Variants in MAGI2 observed in about 807,000 individuals in gnomAD.
MAGI2 encodes the protein membrane associated guanylate kinase, WW and PDZ domain containing 2, also known as membrane-associated guanylate kinase, WW and PDZ domain-containing protein 2.
Under a neutral mutation model 133.3 loss-of-function variants are expected in MAGI2, and 35 were observed. The observed-to-expected ratio is 0.26, with a 90% CI of 0.20 to 0.35. MAGI2 has a LOEUF of 0.35. Ranked by LOEUF, MAGI2 falls within the 10% of genes least tolerant of loss-of-function variation. MAGI2 has a pLI of 1.00. For missense variants in MAGI2, 1,636 were observed against 1,863.4 expected (o/e 0.88, Z 2.25); for synonymous variants, 729 against 710.6 (o/e 1.03, Z -0.41).
At chr7:78,895,537 C>G (rs1797143600) in intron 2 of MAGI2, among the ~76,000 whole-genome samples, 1 of 151,160 alleles carries the variant, frequency 6.6e-6, no homozygotes, top group Non-Finnish European at 1.5e-5. Context: ...AAAAAAGTGG[C>G]TTTACTCAGT....
chr7:78,362,171 G>T (rs946150094), intron 7 of MAGI2, among the ~76,000 whole-genome samples: 1 of 151,972 alleles, frequency 6.6e-6, no homozygotes, highest in African/African-American at 2.4e-5. Flanking sequence ...GTGTGGTAGC[G>T]CACACCTGTA....
chr7:79,020,562 T>G lies in MAGI2; in HGVS notation c.302-13356A>C, dbSNP rs560609083. On this transcript the variant is annotated intron_variant, in intron 1 of 21. Coordinates refer to ENST00000354212, the MANE Select transcript of MAGI2 (RefSeq NM_012301.4). ...CGGGCTGATCATGAGGTCAGGAGAT[T>G]GAGACCATCCTGGCTAACATGGTGA... 1.3e-3 allele frequency among the ~76,000 whole-genome samples: 197 copies of G among 151,906 alleles called. 1 individual carries two copies. Among genetic ancestry groups the G allele is most frequent in the African/African-American group, 4.5e-3 (188 of 41,438 alleles).
chr7:78,294,002 C>T (rs1252753385), intron 9 of MAGI2, among the ~76,000 whole-genome samples: 1 of 152,048 alleles, frequency 6.6e-6, no homozygotes, highest in Non-Finnish European at 1.5e-5. Context: ...AGGTCCAGCA[C>T]ACCAACATGG....
chr7:79,138,134 A>G (rs549458061), intron 1 of MAGI2, among the ~76,000 whole-genome samples: 1 of 152,266 alleles, frequency 6.6e-6, no homozygotes, highest in South Asian at 2.1e-4. Context: ...TTTAGCCCAT[A>G]TGACTCATTT....
chr7:78,388,376 GAC>G (rs1217573836), intron 6 of MAGI2, among the ~76,000 whole-genome samples: 2 of 152,136 alleles, frequency 1.3e-5, no homozygotes, highest in African/African-American at 4.8e-5. Flanking sequence ...GAATGATGAA[GAC>G]ATTGGGTCCA....
chr7:79,347,872 T>C (rs1448183200), intron 1 of MAGI2, among the ~76,000 whole-genome samples: 1 of 151,916 alleles, frequency 6.6e-6, no homozygotes, highest in Non-Finnish European at 1.5e-5. Context: ...CACAGAAAAA[T>C]CTTAAGTAAA....
chr7:78,062,546 CT>C (rs1276946205), intron 21 of MAGI2, among the ~76,000 whole-genome samples: 1 of 152,222 alleles, frequency 6.6e-6, no homozygotes, highest in African/African-American at 2.4e-5. Flanking sequence ...GCTTTTCTCT[CT>C]GGTTCTCTTC....
Position 78,317,955 on chromosome 7 carries a change from C to A in MAGI2, c.1408+25823G>T, listed in dbSNP as rs763227311. Among the ~76,000 whole-genome samples, 3 of 152,142 alleles carry A rather than the reference C, an allele frequency of 2.0e-5. No homozygotes were observed. The South Asian group carries it at 6.2e-4, about 31-fold the overall frequency. ...CAAAAAGGACGTCCAGACACAGAAA[C>A]CCCGTTGGAAGGTCACCAACATCAA... On this transcript the variant is annotated intron_variant, in intron 9 of 21. Transcript: ENST00000354212.
At chr7:79,113,249 T>C (rs113831237) in intron 1 of MAGI2, among the ~76,000 whole-genome samples, 1,878 of 152,302 alleles carry the variant, frequency 0.012, 39 homozygotes, top group African/African-American at 0.043. Context: ...TCATTAAATT[T>C]CCATGGCTGC....
intron 1 of MAGI2, among the ~76,000 whole-genome samples, chr7:79,217,099 A>C (rs1347920258): frequency 6.6e-6 from 1 of 152,086 alleles, no homozygotes; most frequent in Non-Finnish European, 1.5e-5. Context: ...TTAGAAATAA[A>C]GTTTACCCTT....
chr7:79,340,993 C>A (rs890068253), intron 1 of MAGI2, among the ~76,000 whole-genome samples: 1 of 152,046 alleles, frequency 6.6e-6, no homozygotes, highest in Admixed American at 6.6e-5. Context: ...GAAGCAAACA[C>A]CTATTATAAA....
chr7:79,381,414 GT>G (rs1158439326), intron 1 of MAGI2, among the ~76,000 whole-genome samples: 3 of 151,626 alleles, frequency 2.0e-5, no homozygotes, highest in African/African-American at 7.3e-5. Flanking sequence ...GTTTGCTTAT[GT>G]TTAGATTATG....
chr7:78,175,841 TG>T lies in MAGI2; in HGVS notation c.2403+2169del, dbSNP rs142197117. Among the ~76,000 whole-genome samples the T allele has an allele frequency of 5.7e-3, 875 of 152,270 alleles. 5 individuals carry two copies. Among genetic ancestry groups the T allele is most frequent in the African/African-American group, 0.019 (808 of 41,562 alleles). ...GAAAAAAAGGGTAAGACAAAGTCCT[TG>T]CTTAGGAGAAATTTAAAATCCTGCT... is the stretch of plus-strand genomic sequence containing the variant. On this transcript the variant is annotated intron_variant, in intron 14 of 21. Coordinates refer to ENST00000354212, the MANE Select transcript of MAGI2 (RefSeq NM_012301.4).
intron 20 of MAGI2, among the ~76,000 whole-genome samples, chr7:78,092,542 C>T (rs1190124018): frequency 6.6e-6 from 1 of 152,178 alleles, no homozygotes; most frequent in Non-Finnish European, 1.5e-5. Context: ...TGAAATTGGG[C>T]AGCATGTTTT....
At chr7:78,033,044 T>C (rs1298147821) in intron 21 of MAGI2, among the ~76,000 whole-genome samples, 2 of 152,004 alleles carry the variant, frequency 1.3e-5, no homozygotes, top group East Asian at 1.9e-4. Context: ...GTGTGCAAAA[T>C]AGATTGCAGG....
chr7:78,953,979 G>T (rs1301877168), intron 2 of MAGI2, among the ~76,000 whole-genome samples: 1 of 152,030 alleles, frequency 6.6e-6, no homozygotes, highest in Non-Finnish European at 1.5e-5. Context: ...ATTTTCATTT[G>T]AAATTTTCAA....
At chr7:78,414,447 ATTG>A (rs1798119515) in intron 6 of MAGI2, among the ~76,000 whole-genome samples, 2 of 152,034 alleles carry the variant, frequency 1.3e-5, no homozygotes, top group African/African-American at 2.4e-5. Context: ...GAATAGTAAT[ATTG>A]TTGTTGGGCT....
intron 2 of MAGI2, among the ~76,000 whole-genome samples, chr7:78,772,884 T>C (rs1198594270): frequency 5.9e-5 from 9 of 152,260 alleles, no homozygotes; most frequent in Admixed American, 5.9e-4. Flanking sequence ...AAGATTTCAC[T>C]TTATAGCTTC....
At chr7:78,888,152 C>A (rs1038456015) in intron 2 of MAGI2, among the ~76,000 whole-genome samples, 1 of 152,218 alleles carries the variant, frequency 6.6e-6, no homozygotes, top group African/African-American at 2.4e-5. Flanking sequence ...AATCTGAGAT[C>A]AAACTGCAAG....
Sources: gnomAD v4.1 joint callset for allele counts (sites outside exome capture counted in the v4.1 genomes callset) on GRCh38, gnomAD v4.1.1 for gene constraint, MANE v1.5 for transcripts, NCBI Gene and HGNC (gene_info 2026-07-23, HGNC 2026-07-21) for gene names.